Variants in CD247 observed in about 807,000 individuals in gnomAD.
The protein encoded by CD247 is T-cell surface glycoprotein CD3 zeta chain.
A neutral mutation model predicts 30.0 loss-of-function variants in CD247; 13 were observed. The ratio of observed to expected loss-of-function variants is 0.43; its 90% CI spans 0.28 to 0.69. The LOEUF (loss-of-function observed/expected upper bound fraction) is 0.69. Among genes scored for constraint, CD247 ranks in the 30% least tolerant of loss-of-function variants. CD247 has a pLI of 0.16. For synonymous variants in CD247, 72 were observed against 80.0 expected (o/e 0.90, Z 0.53); for missense variants, 193 against 212.6 (o/e 0.91, Z 0.57).
At chr1:167,511,579 C>T (rs1198457574) in intron 1 of CD247, among the ~76,000 whole-genome samples, 2 of 152,100 alleles carry the variant, frequency 1.3e-5, no homozygotes, top group African/African-American at 4.8e-5. Flanking sequence ...AATATTCATA[C>T]TCAGCAGAAA....
Position 167,513,175 on chromosome 1 carries a change from T to G in CD247, c.58+5233A>C, listed in dbSNP as rs1293123547. On this transcript the variant is annotated intron_variant, in intron 1 of 7. Transcript: ENST00000362089. Reference sequence around the variant, plus strand: ...ATGCTATGGAAGCTTACATAGCAATTAAAAACAATCACAAAGGCTAAACAT... The same window carrying G: ...ATGCTATGGAAGCTTACATAGCAATGAAAAACAATCACAAAGGCTAAACAT... 2.0e-5 allele frequency among the ~76,000 whole-genome samples: 3 copies of G among 152,314 alleles called. No individual in the cohort carries two copies. The East Asian group carries it at 5.8e-4, about 29-fold the overall frequency.
At chr1:167,495,959 T>G (rs1268156009) in intron 1 of CD247, among the ~76,000 whole-genome samples, 1 of 152,232 alleles carries the variant, frequency 6.6e-6, no homozygotes, top group Non-Finnish European at 1.5e-5. Context: ...GTATCACAAC[T>G]ATCTACATAT....
chr1:167,464,616 T>C (rs898630563), intron 1 of CD247, among the ~76,000 whole-genome samples: 11 of 152,216 alleles, frequency 7.2e-5, no homozygotes, highest in Non-Finnish European at 1.5e-4. Context: ...AAGCTATTTT[T>C]ATCTTTCTCA....
At chr1:167,471,528 A>AT (rs1323197324) in intron 1 of CD247, among the ~76,000 whole-genome samples, 1 of 152,036 alleles carries the variant, frequency 6.6e-6, no homozygotes, top group East Asian at 1.9e-4. Flanking sequence ...AATGTTGAAC[A>AT]TTTTTTTCAT....
At chr1:167,481,206 A>G (rs1183003371) in intron 1 of CD247, among the ~76,000 whole-genome samples, 1 of 152,096 alleles carries the variant, frequency 6.6e-6, no homozygotes, top group Non-Finnish European at 1.5e-5. Context: ...AGGATCACTT[A>G]AGCCTGAGAG....
At chr1:167,495,564 C>T (rs923167429) in intron 1 of CD247, among the ~76,000 whole-genome samples, 9 of 152,206 alleles carry the variant, frequency 5.9e-5, no homozygotes, top group Admixed American at 5.2e-4. Context: ...CTAGAATGAT[C>T]CTGCCAAAAC....
rs34029156 is a variant in CD247, at chr1:167,446,994, C to CA, written c.59-6228dup. ...TGGACAACAGAGTGGGACTCCGTCTCAAAAAAAATAAAAAGAGATAATGGG... is the reference window on the plus strand; with the variant it reads ...TGGACAACAGAGTGGGACTCCGTCTCAAAAAAAAATAAAAAGAGATAATGGG... On this transcript the variant is annotated intron_variant, in intron 1 of 7. Coordinates refer to ENST00000362089, the MANE Select transcript of CD247 (RefSeq NM_198053.3). Among the ~76,000 whole-genome samples the CA allele has an allele frequency of 4.0e-5, 6 of 151,510 alleles. No individual in the cohort carries two copies. The South Asian group carries it at 6.3e-4, about 16-fold the overall frequency.
At chr1:167,502,272 G>T (rs1000584381) in intron 1 of CD247, among the ~76,000 whole-genome samples, 1 of 152,172 alleles carries the variant, frequency 6.6e-6, no homozygotes, top group Non-Finnish European at 1.5e-5. Flanking sequence ...GGCCATCAGC[G>T]TTCAAAACGA....
chr1:167,453,051 T>TATATATATATATA (rs1272608864), intron 1 of CD247, among the ~76,000 whole-genome samples: 1 of 148,374 alleles, frequency 6.7e-6, no homozygotes, highest in Non-Finnish European at 1.5e-5. Flanking sequence ...ATATATATAT[T>TATATATATATATA]ATAGATATAC....
chr1:167,485,716 C>T lies in CD247; in HGVS notation c.58+32692G>A, dbSNP rs531898232. ...TGGGAGGTAAATTAAGGGGCACAAG[C>T]TCAGGAATCCCTCCTTTCAGTCCTG... On this transcript the variant is annotated intron_variant, in intron 1 of 7. Coordinates refer to ENST00000362089, the MANE Select transcript of CD247 (RefSeq NM_198053.3). Among the ~76,000 whole-genome samples the T allele has an allele frequency of 3.9e-5, 6 of 152,290 alleles. No individual in the cohort carries two copies. The East Asian group carries it at 1.2e-3, about 29-fold the overall frequency.
At position 167,518,438 on chromosome 1, in the gene CD247, C is replaced by A. The variant is rs753889129; in HGVS notation, c.28G>T (p.Ala10Ser). Residue 10 changes from alanine (A) to serine (S), a missense_variant, in exon 1 of 8, where the codon GCC (alanine) becomes TCC (serine). By Grantham distance (99) the Ala-to-Ser change is moderately conservative. Transcript: ENST00000362089. MKWKALFTA[A>S]ILQAQLPITE... ...ATCGGCAACTGTGCCTGCAGGATGG[C>A]CGCGGTGAAAAGCGCCTTCCACTTC... 6 of 1,614,168 alleles carry A rather than the reference C, an allele frequency of 3.7e-6. No individual in the cohort carries two copies. The Admixed American group carries it at 1.0e-4, about 27-fold the overall frequency.
At chr1:167,500,618 C>A (rs78196748) in intron 1 of CD247, among the ~76,000 whole-genome samples, 1,609 of 152,188 alleles carry the variant, frequency 0.011, 27 homozygotes, top group African/African-American at 0.037. Context: ...TTATGCAGGG[C>A]AGAATTATTT....
chr1:167,456,748 C>T (rs1047716289), intron 1 of CD247, among the ~76,000 whole-genome samples: 1 of 152,226 alleles, frequency 6.6e-6, no homozygotes, highest in African/African-American at 2.4e-5. Flanking sequence ...TGAGGGAGGG[C>T]AGCCCCAAAG....
intron 1 of CD247, among the ~76,000 whole-genome samples, chr1:167,475,470 A>G (rs1299176426): frequency 6.6e-6 from 1 of 152,198 alleles, no homozygotes. Flanking sequence ...GTTTCTCTCT[A>G]TAGAAATATT....
chr1:167,467,606 T>G (rs530192491), intron 1 of CD247, among the ~76,000 whole-genome samples: 1 of 152,300 alleles, frequency 6.6e-6, no homozygotes, highest in East Asian at 1.9e-4. Context: ...GGGGGCTGGC[T>G]GTTAAGAGCA....
chr1:167,501,596 G>T lies in CD247; in HGVS notation c.58+16812C>A, dbSNP rs1051081779. On this transcript the variant is annotated intron_variant, in intron 1 of 7. Coordinates refer to ENST00000362089, the MANE Select transcript of CD247 (RefSeq NM_198053.3). Reference sequence around the variant, plus strand: ...TATTGGCTACAGAAAGCTGCAGAAAGAAATGGTCAATTCCTAGTGTCTCTT... The same window carrying T: ...TATTGGCTACAGAAAGCTGCAGAAATAAATGGTCAATTCCTAGTGTCTCTT... 8.5e-5 allele frequency among the ~76,000 whole-genome samples: 13 copies of T among 152,338 alleles called. No homozygotes were observed. The East Asian group carries it at 2.5e-3, about 29-fold the overall frequency.
chr1:167,442,845 T>C (rs1310983289), intron 1 of CD247, among the ~76,000 whole-genome samples: 1 of 151,842 alleles, frequency 6.6e-6, no homozygotes, highest in Non-Finnish European at 1.5e-5. Flanking sequence ...CCAGAGACCA[T>C]TGATGACCCA....
Position 167,438,591 on chromosome 1 carries a change from G to T in CD247, c.279C>A (p.Asp93Glu), listed in dbSNP as rs1468463272. 4 of 1,613,860 alleles carry T rather than the reference G, an allele frequency of 2.5e-6. No homozygotes were observed. The African/African-American group carries it at 5.3e-5, about 22-fold the overall frequency. ...YDVLDKRRGR[D>E]PEMGGKPQRR... is the part of the protein sequence containing the mutation. ...CTACCGGCTTTCCCCCCATCTCAGGGTCCCGGCCACGTCTCTTGTCCAAAA... is the reference window on the plus strand; with the variant it reads ...CTACCGGCTTTCCCCCCATCTCAGGTTCCCGGCCACGTCTCTTGTCCAAAA... Residue 93 changes from aspartate (D) to glutamate (E), a missense_variant, in exon 4 of 8, where the codon GAC becomes GAA. Coordinates refer to ENST00000362089, the MANE Select transcript of CD247 (RefSeq NM_198053.3).
intron 7 of CD247, 26 bp from the exon 8 acceptor site, chr1:167,431,772 A>G: frequency 1.9e-6 from 3 of 1,608,396 alleles, no homozygotes; most frequent in Non-Finnish European, 2.6e-6. Flanking sequence ...ATCAGAAAAC[A>G]AAGAGTGGGT....
Sources: allele counts gnomAD v4.1 joint callset (sites outside exome capture counted in the v4.1 genomes callset), GRCh38; gene constraint gnomAD v4.1.1; transcripts MANE v1.5; gene names NCBI Gene and HGNC (gene_info 2026-07-23, HGNC 2026-07-21).